The following SYNGR3 variants were observed in gnomAD, a reference collection of about 807,000 sequenced individuals.
SYNGR3 encodes the protein synaptogyrin-3.
SYNGR3 carries 10 observed loss-of-function variants against 18.5 expected under a neutral mutation model. The ratio of observed to expected loss-of-function variants is 0.54; its 90% CI spans 0.33 to 0.92. The LOEUF is 0.92. Ranked by LOEUF, SYNGR3 falls within the 40% of genes least tolerant of loss-of-function variation. SYNGR3 has a pLI of 0.02. For synonymous variants in SYNGR3, 188 were observed against 157.2 expected (o/e 1.20, Z -1.47); for missense variants, 335 against 332.8 (o/e 1.01, Z -0.05).
In SYNGR3 at chr16:1,991,964, C is replaced by A. The variant is rs921958538; in HGVS notation, c.100-10C>A. On this transcript the variant is annotated splice_polypyrimidine_tract_variant and intron_variant, in intron 1 of 3. Coordinates refer to ENST00000248121, the MANE Select transcript of SYNGR3 (RefSeq NM_004209.6). ...TCGCCGCAGGGCCCTGAGCGCCGCGCCGCACGCAGGTGTTCTCCATCGCCG... is the reference window on the plus strand; with the variant it reads ...TCGCCGCAGGGCCCTGAGCGCCGCGACGCACGCAGGTGTTCTCCATCGCCG... The A allele has an allele frequency of 8.2e-6, 13 of 1,587,006 alleles. No homozygotes were observed. The highest frequency in any genetic ancestry group is 1.7e-5 in the Admixed American group (1 of 57,786).
In SYNGR3 at chr16:1,993,419, G is replaced by A. The variant is rs1394564754; in HGVS notation, c.*347G>A. ...GGGTCCAGCTGCCCTCTACGATCAGGTGCAGGGGCTGCCCAGGACAAAGCG... is the reference window on the plus strand; with the variant it reads ...GGGTCCAGCTGCCCTCTACGATCAGATGCAGGGGCTGCCCAGGACAAAGCG... On this transcript the variant is annotated 3_prime_UTR_variant, in exon 4 of 4. Coordinates refer to ENST00000248121, the MANE Select transcript of SYNGR3 (RefSeq NM_004209.6). The A allele has an allele frequency of 9.1e-6, 5 of 549,682 alleles. No homozygotes were observed. The highest frequency in any genetic ancestry group is 2.8e-4 in the Middle Eastern group (1 of 3,632). 34.1% of individuals were successfully genotyped at this position (549,682 alleles called of 1,614,324 possible).
Position 1,992,932 on chromosome 16 carries a change from C to CAGCTG in SYNGR3, c.554_558dup (p.Thr187Ter). 1.2e-6 allele frequency: 2 copies of CAGCTG among 1,610,978 alleles called. No homozygotes were observed. The highest frequency in any genetic ancestry group is 1.7e-6 in the Non-Finnish European group (2 of 1,179,206). On this transcript the variant is annotated frameshift_variant, in exon 4 of 4. Transcript: ENST00000248121. LOFTEE classifies it high-confidence loss of function. ...CGACATGTCACTCTTCGCCACCGAA[C>CAGCTG]AGCTGAGCACCGGGGCGAGCCAGGC... is the stretch of plus-strand genomic sequence containing the variant.
rs773180697 is a variant in SYNGR3, at chr16:1,993,149, G to A, written c.*77G>A. The A allele has an allele frequency of 4.0e-6, 6 of 1,514,246 alleles. No homozygotes were observed. In the South Asian group the frequency reaches 7.2e-5, roughly 18 times the overall value. 93.8% of individuals were successfully genotyped at this position (1,514,246 alleles called of 1,614,324 possible). A position where few individuals can be genotyped will look rare whatever the true frequency, so the allele number is the denominator to read the frequency against. On this transcript the variant is annotated 3_prime_UTR_variant, in exon 4 of 4. Coordinates refer to ENST00000248121, the MANE Select transcript of SYNGR3 (RefSeq NM_004209.6). Reference sequence around the variant, plus strand: ...CCAGGGTCTCCGGGACCTCCCTTGGGTCCTTCCAGCTCAGTGCCGCGGACA... The same window carrying A: ...CCAGGGTCTCCGGGACCTCCCTTGGATCCTTCCAGCTCAGTGCCGCGGACA...
chr16:1,993,972 A>T lies in SYNGR3; in HGVS notation c.*900A>T. 1 of 231,760 alleles carries T rather than the reference A, an allele frequency of 4.3e-6. No individual in the cohort carries two copies. Among genetic ancestry groups the T allele is most frequent in the Non-Finnish European group, 8.8e-6 (1 of 114,018 alleles). 14.4% of individuals were successfully genotyped at this position (231,760 alleles called of 1,614,324 possible). A position where few individuals can be genotyped will look rare whatever the true frequency, so the allele number is the denominator to read the frequency against. On this transcript the variant is annotated 3_prime_UTR_variant, in exon 4 of 4. Transcript: ENST00000248121. ...GCTTCCTGGCCCAGTCCCAGGTTGG[A>T]GTCCCTCTGCATAGCTGACTACTCA...
Position 1,994,046 on chromosome 16 carries a change from T to C in SYNGR3, c.*974T>C, listed in dbSNP as rs775947302. The C allele has an allele frequency of 3.7e-5, 6 of 163,614 alleles. No homozygotes were observed. Among genetic ancestry groups the C allele is most frequent in the Non-Finnish European group, 6.7e-5 (5 of 74,168 alleles). The allele number at this position is 163,614 out of a possible 1,614,324, so 10.1% of individuals were successfully genotyped here. ...CACATTAAGTCAACACCAAACGTGG[T>C]TGCCACATTTCATCAGACAGACACC... On this transcript the variant is annotated 3_prime_UTR_variant, in exon 4 of 4. Transcript: ENST00000248121.
In SYNGR3 at chr16:1,990,017, G is replaced by C. The variant is rs1409135434; in HGVS notation, c.-86G>C. On this transcript the variant is annotated 5_prime_UTR_variant, in exon 1 of 4. Transcript: ENST00000248121. ...TGGTAGCATCAGCATCAGCATCAGC[G>C]GCAGCGGCAGCGGCCTCGGGCGGGG... 2.4e-6 allele frequency: 1 copy of C among 416,764 alleles called. No homozygotes were observed. Among genetic ancestry groups the C allele is most frequent in the Non-Finnish European group, 3.7e-6 (1 of 273,742 alleles). The allele number at this position is 416,764 out of a possible 1,614,324, so 25.8% of individuals were successfully genotyped here.
At position 1,991,872 on chromosome 16, in the gene SYNGR3, A is replaced by G. The variant is rs2083605643; in HGVS notation, c.100-102A>G. ...AGGTGACACCGCCCCCCACCCAGAT[A>G]CGGGCCTGGGAACGCAGGGACAGGC... On this transcript the variant is annotated intron_variant, in intron 1 of 3. Transcript: ENST00000248121. 3.0e-6 allele frequency: 3 copies of G among 1,006,060 alleles called. No individual in the cohort carries two copies. The East Asian group carries it at 8.7e-5, about 29-fold the overall frequency. 62.3% of individuals were successfully genotyped at this position (1,006,060 alleles called of 1,614,324 possible). A position where few individuals can be genotyped will look rare whatever the true frequency, so the allele number is the denominator to read the frequency against.
Position 1,994,270 on chromosome 16 carries a change from CTG to C in SYNGR3, c.*1201_*1202del, listed in dbSNP as rs1484472767. ...ACAATAAAGACTGTAACTGAGCTGACTGTGACCTGGACGCTCCTGGAATCATT... is the reference window on the plus strand; with the variant it reads ...ACAATAAAGACTGTAACTGAGCTGACTGACCTGGACGCTCCTGGAATCATT... On this transcript the variant is annotated 3_prime_UTR_variant, in exon 4 of 4. Coordinates refer to ENST00000248121, the MANE Select transcript of SYNGR3 (RefSeq NM_004209.6). The C allele has an allele frequency of 6.5e-6, 1 of 153,720 alleles. No homozygotes were observed. Among genetic ancestry groups the C allele is most frequent in the Non-Finnish European group, 1.5e-5 (1 of 68,280 alleles). 9.5% of individuals were successfully genotyped at this position (153,720 alleles called of 1,614,324 possible). A position where few individuals can be genotyped will look rare whatever the true frequency, so the allele number is the denominator to read the frequency against.
In SYNGR3 at chr16:1,992,978, G is replaced by A; in HGVS notation, c.596G>A (p.Gly199Asp). Residue 199 changes from glycine to aspartate, a missense_variant, in exon 4 of 4, where the codon GGC becomes GAC. Transcript: ENST00000248121. ...ASQAYPGYPV[G>D]SGVEGTETYQ... The stretch of plus-strand genomic sequence containing the variant: ...CAGGCCTACCCCGGCTATCCGGTGG[G>A]CAGCGGCGTGGAGGGCACCGAGACC... 1.2e-6 allele frequency: 2 copies of A among 1,611,808 alleles called. No individual in the cohort carries two copies. The highest frequency in any genetic ancestry group is 1.7e-6 in the Non-Finnish European group (2 of 1,179,692).
At chr16:1,991,800 C>T (rs1400279236) in intron 1 of SYNGR3, 174 bp from the exon 2 acceptor site, 2 of 586,070 alleles carry the variant, frequency 3.4e-6, no homozygotes, top group Non-Finnish European at 5.9e-6. Context: ...ACTAAACGGC[C>T]CGTGTTGTCA....
At position 1,993,777 on chromosome 16, in the gene SYNGR3, A is replaced by C. The variant is rs2083617481; in HGVS notation, c.*705A>C. 1 of 354,062 alleles carries C rather than the reference A, an allele frequency of 2.8e-6. No individual in the cohort carries two copies. The highest frequency in any genetic ancestry group is 2.1e-5 in the African/African-American group (1 of 46,814). 21.9% of individuals were successfully genotyped at this position (354,062 alleles called of 1,614,324 possible). ...CCAGCCCTGTCCTAGCCCTTCAGTA[A>C]GACCTTGCCAGGAGAGGAGAAGGAT... On this transcript the variant is annotated 3_prime_UTR_variant, in exon 4 of 4. Transcript: ENST00000248121.
At chr16:1,992,398 C>A (rs576144386) in intron 2 of SYNGR3, 187 bp downstream of exon 2, 165 of 700,858 alleles carry the variant, frequency 2.4e-4, no homozygotes, top group African/African-American at 2.3e-3. Context: ...GGACGGGGAG[C>A]GCCGCGGGAC....
Position 1,994,039 on chromosome 16 carries a change from A to C in SYNGR3, c.*967A>C. On this transcript the variant is annotated 3_prime_UTR_variant, in exon 4 of 4. Coordinates refer to ENST00000248121, the MANE Select transcript of SYNGR3 (RefSeq NM_004209.6). ...GGCTTTTCACATTAAGTCAACACCA[A>C]ACGTGGTTGCCACATTTCATCAGAC... is the stretch of plus-strand genomic sequence containing the variant. 6.1e-6 allele frequency: 1 copy of C among 163,538 alleles called. No individual in the cohort carries two copies. The highest frequency in any genetic ancestry group is 1.4e-5 in the Non-Finnish European group (1 of 74,042). 10.1% of individuals were successfully genotyped at this position (163,538 alleles called of 1,614,324 possible).
chr16:1,991,435 CA>C (rs2083603359), intron 1 of SYNGR3: 1 of 154,594 alleles, frequency 6.5e-6, no homozygotes, highest in Non-Finnish European at 1.4e-5. Context: ...CCGCTGCCTC[CA>C]TACCCTCCCT....
In SYNGR3 at chr16:1,990,052, C is replaced by A; in HGVS notation, c.-51C>A. On this transcript the variant is annotated 5_prime_UTR_variant, in exon 1 of 4. Coordinates refer to ENST00000248121, the MANE Select transcript of SYNGR3 (RefSeq NM_004209.6). The stretch of plus-strand genomic sequence containing the variant: ...GCGGCCTCGGGCGGGGCCGGCCGGA[C>A]GGACAGGCGGACAGAAGGCGCCAGG... The A allele has an allele frequency of 2.5e-6, 2 of 816,230 alleles. No individual in the cohort carries two copies. The allele number at this position is 816,230 out of a possible 1,614,324, so 50.6% of individuals were successfully genotyped here.
At position 1,993,827 on chromosome 16, in the gene SYNGR3, C is replaced by T. The variant is rs2083617701; in HGVS notation, c.*755C>T. On this transcript the variant is annotated 3_prime_UTR_variant, in exon 4 of 4. Transcript: ENST00000248121. ...TGCCTGGGTGCCAGGCAAGACAAGC[C>T]CCTCAGCAGGAGAGAGGCCCAGAGG... 1 of 340,920 alleles carries T rather than the reference C, an allele frequency of 2.9e-6. No individual in the cohort carries two copies. Among genetic ancestry groups the T allele is most frequent in the Non-Finnish European group, 5.8e-6 (1 of 172,372 alleles). 21.1% of individuals were successfully genotyped at this position (340,920 alleles called of 1,614,324 possible).
At position 1,992,012 on chromosome 16, in the gene SYNGR3, G is replaced by T; in HGVS notation, c.138G>T (p.Glu46Asp). 6.3e-7 allele frequency: 1 copy of T among 1,593,132 alleles called. No individual in the cohort carries two copies. The highest frequency in any genetic ancestry group is 1.7e-5 in the Admixed American group (1 of 58,024). ...CCGTCTTCGGGCCCATCGTCAACGA[G>T]GGCTACGTGAACACCGACAGCGGCC... ...SIAVFGPIVN[E>D]GYVNTDSGPE... is the part of the protein sequence containing the mutation. The change falls in exon 2 of 4, where the codon GAG becomes GAT. Residue 46 changes from glutamate (E) to aspartate (D), a missense_variant. Physicochemically the swap from Glu to Asp is conservative, Grantham distance 45 (BLOSUM62 2). Transcript: ENST00000248121.
chr16:1,990,110 G>A lies in SYNGR3; in HGVS notation c.8G>A (p.Gly3Asp), dbSNP rs903275679. ME[G>D]ASFGAGRAGA... The stretch of plus-strand genomic sequence containing the variant: ...GTCCCGCCCGGGCCGGCCATGGAGG[G>A]CGCCTCCTTCGGCGCGGGCCGCGCA... The change falls in exon 1 of 4, where the codon GGC (glycine) becomes GAC (aspartate). Residue 3 changes from glycine to aspartate, a missense_variant. Coordinates refer to ENST00000248121, the MANE Select transcript of SYNGR3 (RefSeq NM_004209.6). The A allele has an allele frequency of 4.1e-6, 5 of 1,213,220 alleles. No individual in the cohort carries two copies. The African/African-American group carries it at 4.7e-5, about 11-fold the overall frequency. 75.2% of individuals were successfully genotyped at this position (1,213,220 alleles called of 1,614,324 possible).
In SYNGR3 at chr16:1,993,223, G is replaced by A. The variant is rs1345906420; in HGVS notation, c.*151G>A. On this transcript the variant is annotated 3_prime_UTR_variant, in exon 4 of 4. Coordinates refer to ENST00000248121, the MANE Select transcript of SYNGR3 (RefSeq NM_004209.6). ...TCCGGGGCCAAGAGGGGGTGGACCCGCGTGTCTGGGCTGCCCCTGCCAAGT... is the reference window on the plus strand; with the variant it reads ...TCCGGGGCCAAGAGGGGGTGGACCCACGTGTCTGGGCTGCCCCTGCCAAGT... The A allele has an allele frequency of 2.1e-6, 2 of 968,086 alleles. No homozygotes were observed. The highest frequency in any genetic ancestry group is 3.0e-6 in the Non-Finnish European group (2 of 662,126). The allele number at this position is 968,086 out of a possible 1,614,324, so 60.0% of individuals were successfully genotyped here.
Sources: allele counts gnomAD v4.1 joint callset, GRCh38; gene constraint gnomAD v4.1.1; transcripts MANE v1.5; gene names NCBI Gene and HGNC (gene_info 2026-07-23, HGNC 2026-07-21).